Variants in NHLRC2 observed in about 807,000 individuals in gnomAD.
NHLRC2 encodes the protein NHL repeat containing 2.
NHLRC2 carries 33 observed loss-of-function variants against 68.1 expected under a neutral mutation model. That is an observed-to-expected ratio of 0.48 (90% CI 0.37 to 0.65). The LOEUF (loss-of-function observed/expected upper bound fraction) is 0.65. Among genes scored for constraint, NHLRC2 ranks in the 30% least tolerant of loss-of-function variants. NHLRC2 has a pLI of 0.00. For missense variants in NHLRC2, 761 were observed against 853.8 expected (o/e 0.89, Z 1.35); for synonymous variants, 311 against 309.6 (o/e 1.00, Z -0.05).
In NHLRC2 at chr10:113,910,868, G is replaced by GT. The variant is rs1284963873; in HGVS notation, c.*2338dup. 6.6e-6 allele frequency: 1 copy of GT among 151,904 alleles called. No homozygotes were observed. Among genetic ancestry groups the GT allele is most frequent in the Non-Finnish European group, 1.5e-5 (1 of 67,952 alleles). The allele number at this position is 151,904 out of a possible 1,614,324, so 9.4% of individuals were successfully genotyped here. On this transcript the variant is annotated 3_prime_UTR_variant, in exon 11 of 11. Transcript: ENST00000369301. The stretch of plus-strand genomic sequence containing the variant: ...TTCTTACCCACTGCCAGTCTGCATT[G>GT]TTTTTTACATTAAAAGTATTATTTA...
intron 5 of NHLRC2, among the ~76,000 whole-genome samples, chr10:113,887,206 A>G (rs1846090608): frequency 2.6e-5 from 4 of 152,226 alleles, no homozygotes; most frequent in Admixed American, 2.0e-4. Context: ...AAGACAAATG[A>G]TAAATGTTGA....
At chr10:113,877,175 C>G (rs1040119052) in intron 3 of NHLRC2, among the ~76,000 whole-genome samples, 199 bp downstream of exon 3, 7 of 151,420 alleles carry the variant, frequency 4.6e-5, no homozygotes, top group Non-Finnish European at 1.5e-5. Flanking sequence ...ATAAAACAAA[C>G]AAAAACACTG....
intron 1 of NHLRC2, among the ~76,000 whole-genome samples, chr10:113,856,401 AT>A (rs1845759397): frequency 6.6e-6 from 1 of 152,142 alleles, no homozygotes; most frequent in Non-Finnish European, 1.5e-5. Flanking sequence ...AGAAGTGCTT[AT>A]TTTTCCTGCT....
Position 113,873,505 on chromosome 10 carries a change from T to C in NHLRC2, c.332-3016T>C, listed in dbSNP as rs76214109. ...TGGAGCTACATGGCTAACTAGTATATGTGAGGCTGTTGCTTTTGTGTGCTC... is the reference window on the plus strand; with the variant it reads ...TGGAGCTACATGGCTAACTAGTATACGTGAGGCTGTTGCTTTTGTGTGCTC... On this transcript the variant is annotated intron_variant, in intron 2 of 10. Coordinates refer to ENST00000369301, the MANE Select transcript of NHLRC2 (RefSeq NM_198514.4). 5.5e-3 allele frequency among the ~76,000 whole-genome samples: 843 copies of C among 152,276 alleles called. 9 individuals carry two copies. The highest frequency in any genetic ancestry group is 0.019 in the African/African-American group (800 of 41,554).
intron 2 of NHLRC2, among the ~76,000 whole-genome samples, chr10:113,874,630 A>C (rs1418822400): frequency 1.3e-5 from 2 of 152,060 alleles, no homozygotes; most frequent in East Asian, 1.9e-4. Flanking sequence ...GACATTACTC[A>C]GTTATTTTTT....
chr10:113,864,034 A>G (rs1158040857), intron 2 of NHLRC2, among the ~76,000 whole-genome samples: 1 of 152,252 alleles, frequency 6.6e-6, no homozygotes, highest in Non-Finnish European at 1.5e-5. Flanking sequence ...GTGTGCATAC[A>G]GTGGAATGTT....
In NHLRC2 at chr10:113,908,833, T is replaced by C. The variant is rs1374743391; in HGVS notation, c.*297T>C. Reference sequence around the variant, plus strand: ...AAGTTCACACTACAGTAGAGAATACTATAAGATAATTTGCAATAAATACTG... The same window carrying C: ...AAGTTCACACTACAGTAGAGAATACCATAAGATAATTTGCAATAAATACTG... On this transcript the variant is annotated 3_prime_UTR_variant, in exon 11 of 11. Coordinates refer to ENST00000369301, the MANE Select transcript of NHLRC2 (RefSeq NM_198514.4). 6 of 287,146 alleles carry C rather than the reference T, an allele frequency of 2.1e-5. No individual in the cohort carries two copies. In the East Asian group the frequency reaches 3.9e-4, roughly 19 times the overall value. The allele number at this position is 287,146 out of a possible 1,614,324, so 17.8% of individuals were successfully genotyped here. A position where few individuals can be genotyped will look rare whatever the true frequency, so the allele number is the denominator to read the frequency against.
chr10:113,893,124 GGAGA>G (rs1260479113), intron 5 of NHLRC2, among the ~76,000 whole-genome samples: 1 of 152,114 alleles, frequency 6.6e-6, no homozygotes, highest in African/African-American at 2.4e-5. Flanking sequence ...AGGGGTACAG[GGAGA>G]GAAAGGCAGA....
intron 5 of NHLRC2, among the ~76,000 whole-genome samples, chr10:113,890,683 T>C (rs1846122746): frequency 6.6e-6 from 1 of 152,212 alleles, no homozygotes; most frequent in South Asian, 2.1e-4. Flanking sequence ...TTTTTTCTTT[T>C]TGTACTAGTA....
intron 3 of NHLRC2, among the ~76,000 whole-genome samples, chr10:113,877,641 ATCTT>A (rs1845996721): frequency 6.6e-6 from 1 of 152,170 alleles, no homozygotes; most frequent in Non-Finnish European, 1.5e-5. Context: ...ATTCTTATTA[ATCTT>A]TCTTATCTAA....
chr10:113,914,968 G>T lies in NHLRC2; in HGVS notation c.*6432G>T, dbSNP rs1234930912. 1 of 456,268 alleles carries T rather than the reference G, an allele frequency of 2.2e-6. No homozygotes were observed. Among genetic ancestry groups the T allele is most frequent in the South Asian group, 1.5e-5 (1 of 64,562 alleles). 28.3% of individuals were successfully genotyped at this position (456,268 alleles called of 1,614,324 possible). ...CCTGGCTGCCTCAGGCTTGCAGAAG[G>T]CTGCCCCAATCACAGAGCCTGGGTA... On this transcript the variant is annotated 3_prime_UTR_variant, in exon 11 of 11. Coordinates refer to ENST00000369301, the MANE Select transcript of NHLRC2 (RefSeq NM_198514.4).
At chr10:113,883,837 A>G (rs1167776490) in intron 4 of NHLRC2, among the ~76,000 whole-genome samples, 1 of 151,946 alleles carries the variant, frequency 6.6e-6, no homozygotes, top group Non-Finnish European at 1.5e-5. Context: ...TCACTATTGG[A>G]TTAGTGCTTG....
chr10:113,908,326 G>C lies in NHLRC2; in HGVS notation c.1971G>C (p.Glu657Asp). ...LQGQIAAGDI[E>D]NISSQPTISL... is the part of the protein sequence containing the mutation. ...GACAGATAGCAGCTGGAGATATAGA[G>C]AACATTTCCAGTCAACCAACAATTT... The change falls in exon 11 of 11, where the codon GAG becomes GAC. Residue 657 changes from glutamate to aspartate, a missense_variant. By Grantham distance (45) the Glu-to-Asp change is conservative. Transcript: ENST00000369301. The C allele has an allele frequency of 6.2e-7, 1 of 1,612,952 alleles. No homozygotes were observed. The highest frequency in any genetic ancestry group is 1.3e-5 in the African/African-American group (1 of 75,016).
intron 2 of NHLRC2, among the ~76,000 whole-genome samples, chr10:113,870,961 T>G (rs1288361179): frequency 6.6e-6 from 1 of 152,070 alleles, no homozygotes; most frequent in African/African-American, 2.4e-5. Context: ...GGTTATTGTT[T>G]GAGTATATAA....
rs1431266705 is a variant in NHLRC2, at chr10:113,911,272, T to C, written c.*2736T>C. On this transcript the variant is annotated 3_prime_UTR_variant, in exon 11 of 11. Coordinates refer to ENST00000369301, the MANE Select transcript of NHLRC2 (RefSeq NM_198514.4). The stretch of plus-strand genomic sequence containing the variant: ...TCACAAATGGTAGAATTTCTTGATA[T>C]GATTCTTGTAAAGAGTTTAGCTTAT... 1 of 152,164 alleles carries C rather than the reference T, an allele frequency of 6.6e-6. No individual in the cohort carries two copies. The highest frequency in any genetic ancestry group is 2.4e-5 in the African/African-American group (1 of 41,450). The allele number at this position is 152,164 out of a possible 1,614,324, so 9.4% of individuals were successfully genotyped here.
At chr10:113,861,896 CAG>C (rs777737017) in intron 2 of NHLRC2, among the ~76,000 whole-genome samples, 11 of 151,178 alleles carry the variant, frequency 7.3e-5, no homozygotes, top group Non-Finnish European at 1.6e-4. Context: ...TTTTTTGAGA[CAG>C]AGTCTTGCTC....
At chr10:113,855,077 C>T (rs1160548124) in intron 1 of NHLRC2, 27 bp downstream of exon 1, 21 of 1,540,348 alleles carry the variant, frequency 1.4e-5, no homozygotes, top group African/African-American at 1.1e-4. Flanking sequence ...GGGGTGGGGG[C>T]CCCTCCCGGC....
At chr10:113,860,801 C>A (rs1845808946) in intron 2 of NHLRC2, among the ~76,000 whole-genome samples, 1 of 152,146 alleles carries the variant, frequency 6.6e-6, no homozygotes, top group Non-Finnish European at 1.5e-5. Flanking sequence ...TACAGAGGCT[C>A]CTTGACTTAT....
chr10:113,885,618 A>T (rs1162245180), intron 5 of NHLRC2, among the ~76,000 whole-genome samples: 1 of 152,042 alleles, frequency 6.6e-6, no homozygotes, highest in Non-Finnish European at 1.5e-5. Flanking sequence ...GTTATTTATT[A>T]CATGAGTTGT....
Sources: allele counts gnomAD v4.1 joint callset (sites outside exome capture counted in the v4.1 genomes callset), GRCh38; gene constraint gnomAD v4.1.1; transcripts MANE v1.5; gene names NCBI Gene and HGNC (gene_info 2026-07-23, HGNC 2026-07-21).